The following IL31RA variants were observed in gnomAD, a reference collection of about 807,000 sequenced individuals.
IL31RA encodes the protein interleukin 31 receptor A.
A neutral mutation model predicts 83.7 loss-of-function variants in IL31RA; 66 were observed. The ratio of observed to expected loss-of-function variants is 0.79; its 90% CI spans 0.65 to 0.97. The LOEUF is 0.97. Among genes scored for constraint, IL31RA ranks in the 50% least tolerant of loss-of-function variants. The probability of loss-of-function intolerance (pLI) is 0.00; values close to 1 mark genes in which losing one functional copy is unlikely to be tolerated. For synonymous variants in IL31RA, 325 were observed against 329.0 expected (o/e 0.99, Z 0.13); for missense variants, 798 against 919.4 (o/e 0.87, Z 1.71).
intron 8 of IL31RA, among the ~76,000 whole-genome samples, chr5:55,904,283 G>A (rs560274582): frequency 5.1e-4 from 77 of 152,278 alleles, no homozygotes; most frequent in African/African-American, 1.8e-3. Context: ...TAGAGTGTGA[G>A]TGACATCTCA....
chr5:55,841,124 T>C, the IL31RA span, among the ~76,000 whole-genome samples: 1 of 152,238 alleles, frequency 6.6e-6, no homozygotes, highest in Non-Finnish European at 1.5e-5. Flanking sequence ...CTCTGGACCA[T>C]TTGACACTCT....
intron 4 of IL31RA, among the ~76,000 whole-genome samples, chr5:55,881,848 G>A (rs1394408314): frequency 6.7e-6 from 1 of 150,352 alleles, no homozygotes; most frequent in African/African-American, 2.5e-5. Flanking sequence ...GAGTAGCTGG[G>A]ATTATTGGCG....
At chr5:55,845,988 G>A in the IL31RA span, among the ~76,000 whole-genome samples, 605 of 152,158 alleles carry the variant, frequency 4.0e-3, 5 homozygotes, top group African/African-American at 0.014. Flanking sequence ...TTTATGACTC[G>A]GGCTCCCTGG....
chr5:55,842,946 C>T, the IL31RA span, among the ~76,000 whole-genome samples: 2 of 152,174 alleles, frequency 1.3e-5, no homozygotes, highest in African/African-American at 4.8e-5. Flanking sequence ...CTCAGCTCTG[C>T]CCCGTCTTTC....
chr5:55,910,712 G>A (rs1009275131), intron 12 of IL31RA, 40 bp downstream of exon 12: 18 of 1,608,076 alleles, frequency 1.1e-5, no homozygotes, highest in Middle Eastern at 1.6e-4. Context: ...TCTCCCTCAC[G>A]TTTACCTTAC....
At chr5:55,851,663 A>G in intron 1 of IL31RA, 30 bp downstream of exon 1, 1 of 1,613,792 alleles carries the variant, frequency 6.2e-7, no homozygotes, top group South Asian at 1.1e-5. Context: ...GTTACAAATA[A>G]TTCCTAGCAA....
rs1419470304 is a variant in IL31RA at position 55,919,796 on chromosome 5, A to G, written c.*2676A>G. 6.6e-6 allele frequency among the ~76,000 whole-genome samples: 1 copy of G among 152,168 alleles called. No homozygotes were observed. Among genetic ancestry groups the G allele is most frequent in the African/African-American group, 2.4e-5 (1 of 41,440 alleles). On this transcript the variant is annotated 3_prime_UTR_variant, in exon 15 of 15. Transcript: ENST00000652347. ...TCACAGGATGTGAGCCTCAGAGTTC[A>G]GGGCGCAGGTGACTTCCTCTCCTGG...
intron 12 of IL31RA, among the ~76,000 whole-genome samples, chr5:55,912,289 A>G (rs1316131516): frequency 6.6e-6 from 1 of 152,196 alleles, no homozygotes; most frequent in Non-Finnish European, 1.5e-5. Flanking sequence ...ACTCCTTCCT[A>G]TAACTTTCAA....
rs753281572 is a variant in IL31RA at position 55,916,940 on chromosome 5, G to C, written c.2115G>C (p.Ser705=). ...IPPRKSQYLR[S]RMPEGTRPEA... is the part of the protein sequence containing the mutation. The stretch of plus-strand genomic sequence containing the variant: ...CCAGAAAATCCCAATACCTACGTTC[G>C]AGGATGCCAGAGGGGACCCGCCCAG... The change falls in exon 15 of 15, where the codon TCG becomes TCC. Residue 705 remains serine (S), a synonymous_variant. Transcript: ENST00000652347. 1.2e-6 allele frequency: 2 copies of C among 1,613,688 alleles called. No individual in the cohort carries two copies. The highest frequency in any genetic ancestry group is 1.7e-6 in the Non-Finnish European group (2 of 1,179,760).
intron 6 of IL31RA, among the ~76,000 whole-genome samples, chr5:55,894,127 T>C (rs1748187681): frequency 6.6e-6 from 1 of 152,182 alleles, no homozygotes; most frequent in African/African-American, 2.4e-5. Flanking sequence ...CTTTAGATTT[T>C]TTTTTTTTTC....
At chr5:55,898,359 C>G (rs1041120391) in intron 7 of IL31RA, among the ~76,000 whole-genome samples, 1 of 141,376 alleles carries the variant, frequency 7.1e-6, no homozygotes, top group Admixed American at 7.4e-5. Context: ...AAAGAGCTCT[C>G]TAAGAATTTG....
At chr5:55,844,998 C>T in the IL31RA span, among the ~76,000 whole-genome samples, 1 of 152,058 alleles carries the variant, frequency 6.6e-6, no homozygotes, top group Non-Finnish European at 1.5e-5. Flanking sequence ...TTAAGATATC[C>T]ATCTGTTCTT....
rs554313748 is a variant in IL31RA, at chr5:55,871,306, C to T, written c.273-964C>T. Among the ~76,000 whole-genome samples the T allele has an allele frequency of 3.5e-4, 53 of 152,290 alleles. No homozygotes were observed. In the South Asian group the frequency reaches 0.01, roughly 30 times the overall value. ...GAGGTCCTTTCTAGTTTCAAAATTC[C>T]ATGATTCTATGTGTCTATGTCTCCC... On this transcript the variant is annotated intron_variant, in intron 3 of 14. Transcript: ENST00000652347.
chr5:55,866,901 G>A (rs1356112746), intron 2 of IL31RA: 1 of 152,170 alleles, frequency 6.6e-6, no homozygotes, highest in East Asian at 1.9e-4. Flanking sequence ...GCCTTCCTAG[G>A]AAGCGCTAGA....
intron 13 of IL31RA, among the ~76,000 whole-genome samples, chr5:55,913,804 T>C (rs907472709): frequency 6.6e-6 from 1 of 152,224 alleles, no homozygotes; most frequent in African/African-American, 2.4e-5. Flanking sequence ...CTAGGCCTTT[T>C]TGAGGCCAGG....
chr5:55,905,959 T>C, intron 8 of IL31RA, 147 bp from the exon 9 acceptor site: 1 of 789,000 alleles, frequency 1.3e-6, no homozygotes. Context: ...ATAAGGGGAG[T>C]GAAAAGAGCC....
At chr5:55,883,964 C>T (rs970213401) in intron 5 of IL31RA, among the ~76,000 whole-genome samples, 7 of 152,150 alleles carry the variant, frequency 4.6e-5, no homozygotes, top group African/African-American at 1.7e-4. Context: ...ATTTTCATTG[C>T]TGTGTAGTAT....
chr5:55,893,027 C>A (rs149352412), intron 6 of IL31RA, among the ~76,000 whole-genome samples: 31 of 152,298 alleles, frequency 2.0e-4, no homozygotes, highest in African/African-American at 7.2e-4. Flanking sequence ...TTGTTTAATG[C>A]GTACCACTTC....
At chr5:55,865,273 C>T (rs1292129210) in intron 2 of IL31RA, among the ~76,000 whole-genome samples, 3 of 152,156 alleles carry the variant, frequency 2.0e-5, no homozygotes, top group Non-Finnish European at 4.4e-5. Flanking sequence ...TGGTTTTCAG[C>T]ATGCAAGTAG....
Sources: gnomAD v4.1 joint callset for allele counts (sites outside exome capture counted in the v4.1 genomes callset) on GRCh38, gnomAD v4.1.1 for gene constraint, MANE v1.5 for transcripts, NCBI Gene and HGNC (gene_info 2026-07-23, HGNC 2026-07-21) for gene names.